The following AATK variants were observed in gnomAD, a reference collection of about 807,000 sequenced individuals.
AATK encodes lemur tail kinase 1.
A neutral mutation model predicts 114.3 loss-of-function variants in AATK; 91 were observed. The observed-to-expected ratio is 0.80, with a 90% CI of 0.67 to 0.95. The LOEUF (loss-of-function observed/expected upper bound fraction) is 0.95. Among genes scored for constraint, AATK ranks in the 40% least tolerant of loss-of-function variants. The pLI, the probability that AATK is intolerant of heterozygous loss-of-function variation, is 0.00. For synonymous variants in AATK, 1,075 were observed against 916.5 expected (o/e 1.17, Z -3.12); for missense variants, 2,176 against 1,965.2 (o/e 1.11, Z -2.03).
chr17:81,123,181 G>T lies in AATK; in HGVS notation c.1112+13C>A. 7.0e-7 allele frequency: 1 copy of T among 1,424,278 alleles called. No individual in the cohort carries two copies. 88.2% of individuals were successfully genotyped at this position (1,424,278 alleles called of 1,614,324 possible). Reference sequence around the variant, plus strand: ...CGGCCTGGCTGTCCGGGACAGGGCAGTGGGGCCCTCACCAGCGGTCCGACA... The same window carrying T: ...CGGCCTGGCTGTCCGGGACAGGGCATTGGGGCCCTCACCAGCGGTCCGACA... On this transcript the variant is annotated intron_variant, in intron 10 of 13. Coordinates refer to ENST00000326724, the MANE Select transcript of AATK (RefSeq NM_001080395.3).
At chr17:81,143,247 G>A (rs966796604) in intron 1 of AATK, among the ~76,000 whole-genome samples, 16 of 151,934 alleles carry the variant, frequency 1.1e-4, no homozygotes, top group African/African-American at 3.9e-4. Context: ...GCCGCCTGCA[G>A]CAGCCCCAGG....
Position 81,122,611 on chromosome 17 carries a change from G to C in AATK, c.1325C>G (p.Ala442Gly). The change falls in exon 11 of 14, where the codon GCC becomes GGC. Residue 442 changes from alanine to glycine, a missense_variant. Transcript: ENST00000326724. Reference protein sequence around the residue: ...GPMLGGVVELAAASSFPLLEQ... With the variant: ...GPMLGGVVELGAASSFPLLEQ... ...CAGCAGCGGGAAGGACGAGGCAGCG[G>C]CGAGCTCCACCACGCCGCCCAGCAT... 2 of 1,423,902 alleles carry C rather than the reference G, an allele frequency of 1.4e-6. No homozygotes were observed. Among genetic ancestry groups the C allele is most frequent in the Non-Finnish European group, 1.9e-6 (2 of 1,078,478 alleles). The allele number at this position is 1,423,902 out of a possible 1,614,324, so 88.2% of individuals were successfully genotyped here.
At chr17:81,128,055 G>A (rs2060872233) in intron 4 of AATK, 145 bp from the exon 5 acceptor site, 1 of 1,007,524 alleles carries the variant, frequency 9.9e-7, no homozygotes, top group Admixed American at 2.6e-5. Flanking sequence ...TGCAGCGTGA[G>A]GTATGGCTTC....
intron 1 of AATK, among the ~76,000 whole-genome samples, chr17:81,139,370 TC>T (rs2061087959): frequency 2.0e-5 from 3 of 152,232 alleles, no homozygotes; most frequent in Middle Eastern, 3.4e-3. Context: ...GCCGCACTCT[TC>T]CCAAATACGA....
chr17:81,120,315 C>T lies in AATK; in HGVS notation c.3621G>A (p.Leu1207=). Residue 1207 remains leucine (L), a synonymous_variant, in exon 11 of 14, where the codon CTG becomes CTA. Transcript: ENST00000326724. ...VVAESQSARN[L]RSLLKMPSLL... ...GGCTGGGCATCTTGAGCAGGCTGCG[C>T]AGGTTGCGCGCGCTCTGGCTCTCAG... 1 of 1,610,752 alleles carries T rather than the reference C, an allele frequency of 6.2e-7. No individual in the cohort carries two copies. The highest frequency in any genetic ancestry group is 2.2e-5 in the East Asian group (1 of 44,838).
intron 1 of AATK, among the ~76,000 whole-genome samples, chr17:81,147,360 CAA>C (rs59460030): frequency 2.7e-4 from 15 of 54,904 alleles, no homozygotes; most frequent in Admixed American, 4.0e-4. Context: ...GACTCCATCT[CAA>C]AAAAAAAAAA....
At chr17:81,125,253 C>G in intron 7 of AATK, 1 of 728,780 alleles carries the variant, frequency 1.4e-6, no homozygotes, top group Non-Finnish European at 2.6e-6. Context: ...GGACTGTGTG[C>G]GTGGGCCTCA....
At position 81,121,935 on chromosome 17, in the gene AATK, C is replaced by T; in HGVS notation, c.2001G>A (p.Val667=). ...CGCGCTGGGCGGCCCTCCGCGCTCCCACCTCCTCTAGCTCATCCTCGCCAG... is the reference window on the plus strand; with the variant it reads ...CGCGCTGGGCGGCCCTCCGCGCTCCTACCTCCTCTAGCTCATCCTCGCCAG... ...PLTGEDELEE[V]GARRAAQRGH... Residue 667 remains valine, a synonymous_variant, in exon 11 of 14, where the codon GTG becomes GTA. Coordinates refer to ENST00000326724, the MANE Select transcript of AATK (RefSeq NM_001080395.3). The T allele has an allele frequency of 6.2e-7, 1 of 1,600,852 alleles. No individual in the cohort carries two copies. The highest frequency in any genetic ancestry group is 1.7e-5 in the Admixed American group (1 of 59,866).
chr17:81,141,121 A>C (rs1414567135), intron 1 of AATK, among the ~76,000 whole-genome samples: 2 of 152,044 alleles, frequency 1.3e-5, no homozygotes, highest in East Asian at 3.9e-4. Flanking sequence ...GACTCTCCCC[A>C]GAGCCCAGCC....
At position 81,118,231 on chromosome 17, in the gene AATK, A is replaced by C. The variant is rs1296876009; in HGVS notation, c.*171T>G. 3 of 639,784 alleles carry C rather than the reference A, an allele frequency of 4.7e-6. No homozygotes were observed. In the African/African-American group the frequency reaches 5.5e-5, roughly 12 times the overall value. 39.6% of individuals were successfully genotyped at this position (639,784 alleles called of 1,614,324 possible). A position where few individuals can be genotyped will look rare whatever the true frequency, so the allele number is the denominator to read the frequency against. On this transcript the variant is annotated 3_prime_UTR_variant, in exon 14 of 14. Transcript: ENST00000326724. Reference sequence around the variant, plus strand: ...GCGGAGCATGGCCGATCTACCATCCAGGGCCTCTCATCCCACGGGCTTCTC... The same window carrying C: ...GCGGAGCATGGCCGATCTACCATCCCGGGCCTCTCATCCCACGGGCTTCTC...
intron 7 of AATK, chr17:81,125,518 G>A (rs1292349731): frequency 8.5e-6 from 3 of 351,904 alleles, no homozygotes; most frequent in African/African-American, 2.1e-5. Context: ...TCTCACTTGA[G>A]CCACCACTGG....
intron 1 of AATK, chr17:81,160,212 A>G (rs906182): frequency 0.82 from 800,215 of 974,876 alleles, 328,977 homozygotes; most frequent in East Asian, 0.97. Flanking sequence ...CACAGCCCGC[A>G]TCCTCCCAGA....
intron 1 of AATK, among the ~76,000 whole-genome samples, chr17:81,145,699 C>T (rs2061207687): frequency 1.5e-5 from 2 of 137,666 alleles, no homozygotes; most frequent in African/African-American, 5.4e-5. Context: ...TGCCATTGCA[C>T]TCCAGCCTTG....
chr17:81,134,350 G>A lies in AATK; in HGVS notation c.189+18C>T, dbSNP rs373226572. 9 of 1,612,198 alleles carry A rather than the reference G, an allele frequency of 5.6e-6. No individual in the cohort carries two copies. The highest frequency in any genetic ancestry group is 1.6e-4 in the Middle Eastern group (1 of 6,074). On this transcript the variant is annotated intron_variant, in intron 2 of 13. Coordinates refer to ENST00000326724, the MANE Select transcript of AATK (RefSeq NM_001080395.3). Reference sequence around the variant, plus strand: ...CCTGCGGGATCCCACGACAGCTCCCGCGGCCCCCAGGCCTCACCTTGAACC... The same window carrying A: ...CCTGCGGGATCCCACGACAGCTCCCACGGCCCCCAGGCCTCACCTTGAACC...
chr17:81,122,313 G>C lies in AATK; in HGVS notation c.1623C>G (p.Ala541=). Residue 541 remains alanine (A), a synonymous_variant, in exon 11 of 14, where the codon GCC becomes GCG. Coordinates refer to ENST00000326724, the MANE Select transcript of AATK (RefSeq NM_001080395.3). ...FIRLEEAAPA[A]GHDPDCAGCA... is the part of the protein sequence containing the mutation. ...AGCCGGCGCAGTCAGGGTCGTGGCC[G>C]GCGGCGGGTGCGGCCTCCTCTAGGC... 1.3e-6 allele frequency: 2 copies of C among 1,510,214 alleles called. No homozygotes were observed. Among genetic ancestry groups the C allele is most frequent in the Non-Finnish European group, 1.8e-6 (2 of 1,134,578 alleles). 93.6% of individuals were successfully genotyped at this position (1,510,214 alleles called of 1,614,324 possible).
intron 12 of AATK, 41 bp from the exon 13 acceptor site, chr17:81,119,621 G>C (rs1322833234): frequency 6.6e-7 from 1 of 1,526,280 alleles, no homozygotes; most frequent in South Asian, 1.2e-5. Flanking sequence ...TCACAGCCTG[G>C]GACCCCGGCC....
intron 1 of AATK, among the ~76,000 whole-genome samples, chr17:81,161,404 G>C (rs1259510352): frequency 6.6e-6 from 1 of 152,162 alleles, no homozygotes; most frequent in Non-Finnish European, 1.5e-5. Flanking sequence ...CCCTACTCCG[G>C]TCCGACCTCA....
At position 81,122,324 on chromosome 17, in the gene AATK, C is replaced by T. The variant is rs747864469; in HGVS notation, c.1612G>A (p.Ala538Thr). Residue 538 changes from alanine (A) to threonine (T), a missense_variant, in exon 11 of 14, where the codon GCA (alanine) becomes ACA (threonine). By Grantham distance (58) the Ala-to-Thr change is moderately conservative. This residue lies in a region of AATK where 1,701 missense variants were observed against 1,394.7 expected (regional missense o/e 1.22). Transcript: ENST00000326724. Reference sequence around the variant, plus strand: ...TCAGGGTCGTGGCCGGCGGCGGGTGCGGCCTCCTCTAGGCGGATGAAGTAC... The same window carrying T: ...TCAGGGTCGTGGCCGGCGGCGGGTGTGGCCTCCTCTAGGCGGATGAAGTAC... ...SEYFIRLEEA[A>T]PAAGHDPDCA... 4 of 1,509,918 alleles carry T rather than the reference C, an allele frequency of 2.6e-6. No individual in the cohort carries two copies. The highest frequency in any genetic ancestry group is 2.1e-5 in the Admixed American group (1 of 48,162). The allele number at this position is 1,509,918 out of a possible 1,614,324, so 93.5% of individuals were successfully genotyped here.
rs758302958 is a variant in AATK at position 81,120,428 on chromosome 17, C to T, written c.3508G>A (p.Glu1170Lys). 9.5e-6 allele frequency: 15 copies of T among 1,579,386 alleles called. No individual in the cohort carries two copies. The highest frequency in any genetic ancestry group is 1.7e-5 in the Admixed American group (1 of 57,654). The change falls in exon 11 of 14, where the codon GAG (glutamate) becomes AAG (lysine). Residue 1170 changes from glutamate to lysine, a missense_variant. This residue lies in a region of AATK where 1,701 missense variants were observed against 1,394.7 expected (regional missense o/e 1.22). Coordinates refer to ENST00000326724, the MANE Select transcript of AATK (RefSeq NM_001080395.3). ...EEEEDSEDSD[E>K]SDEELRCYSV... The stretch of plus-strand genomic sequence containing the variant: ...TAGCAGCGGAGCTCCTCGTCAGACT[C>T]GTCGCTGTCCTCACTGTCCTCCTCC...
Sources: allele counts gnomAD v4.1 joint callset (sites outside exome capture counted in the v4.1 genomes callset), GRCh38; gene constraint gnomAD v4.1.1; regional missense constraint gnomAD v4.1.1; transcripts MANE v1.5; gene names NCBI Gene and HGNC (gene_info 2026-07-23, HGNC 2026-07-21).